The following PATJ variants were observed in gnomAD, a reference collection of about 807,000 sequenced individuals.
PATJ encodes the protein inaD-like protein.
PATJ carries 190 observed loss-of-function variants against 224.9 expected under a neutral mutation model. The ratio of observed to expected loss-of-function variants is 0.84; its 90% CI spans 0.75 to 0.95. The LOEUF is 0.95. Ranked by LOEUF, PATJ falls within the 40% of genes least tolerant of loss-of-function variation. The pLI is 0.00. For missense variants in PATJ, 2,121 were observed against 2,270.3 expected (o/e 0.93, Z 1.34); for synonymous variants, 769 against 820.3 (o/e 0.94, Z 1.07).
chr1:61,766,205 G>A, intron 3 of PATJ, 74 bp from the exon 4 acceptor site: 1 of 1,031,654 alleles, frequency 9.7e-7, no homozygotes, highest in Non-Finnish European at 1.4e-6. Flanking sequence ...CTATGTAATG[G>A]TCAAAATATA....
chr1:61,984,097 A>G (rs1644599992), intron 27 of PATJ, among the ~76,000 whole-genome samples: 1 of 151,512 alleles, frequency 6.6e-6, no homozygotes, highest in Non-Finnish European at 1.5e-5. Context: ...GGGATGATGC[A>G]CCTGGCCCCC....
At chr1:62,063,967 A>G (rs1214199735) in intron 31 of PATJ, among the ~76,000 whole-genome samples, 1 of 152,108 alleles carries the variant, frequency 6.6e-6, no homozygotes, top group Non-Finnish European at 1.5e-5. Flanking sequence ...TTGACTTTTT[A>G]TTCTCCTATT....
At chr1:62,045,911 A>G (rs944966828) in intron 30 of PATJ, among the ~76,000 whole-genome samples, 1 of 151,992 alleles carries the variant, frequency 6.6e-6, no homozygotes, top group African/African-American at 2.4e-5. Flanking sequence ...CAGAATCCAC[A>G]TTGTTGTGGC....
At chr1:61,837,746 C>T (rs1660403248) in intron 17 of PATJ, among the ~76,000 whole-genome samples, 1 of 146,722 alleles carries the variant, frequency 6.8e-6, no homozygotes, top group African/African-American at 2.5e-5. Context: ...GCTGAGATTG[C>T]GCCACTGCAC....
chr1:61,856,701 G>T (rs1420639491), intron 18 of PATJ, among the ~76,000 whole-genome samples: 1 of 152,086 alleles, frequency 6.6e-6, no homozygotes, highest in African/African-American at 2.4e-5. Flanking sequence ...CGATTCTCCT[G>T]CCTCAGCCTC....
intron 30 of PATJ, among the ~76,000 whole-genome samples, chr1:62,046,581 G>A (rs149532412): frequency 6.6e-6 from 1 of 152,332 alleles, no homozygotes; most frequent in Non-Finnish European, 1.5e-5. Flanking sequence ...CAGGCAGTGG[G>A]AATGAATGAG....
At chr1:61,854,639 G>T (rs1352911482) in intron 17 of PATJ, among the ~76,000 whole-genome samples, 1 of 152,178 alleles carries the variant, frequency 6.6e-6, no homozygotes, top group African/African-American at 2.4e-5. Flanking sequence ...GGTGATATTG[G>T]CTAGTTTCCT....
intron 33 of PATJ, among the ~76,000 whole-genome samples, chr1:62,087,651 C>T (rs1034944670): frequency 6.6e-6 from 1 of 151,596 alleles, no homozygotes; most frequent in Non-Finnish European, 1.5e-5. Flanking sequence ...CATTGGGCCC[C>T]GTCTAGAAAA....
At chr1:61,761,880 A>G (rs1645992977) in intron 1 of PATJ, among the ~76,000 whole-genome samples, 1 of 151,524 alleles carries the variant, frequency 6.6e-6, no homozygotes, top group Admixed American at 6.6e-5. Context: ...TAGAGATGGA[A>G]TCTCACTGTG....
chr1:61,766,417 T>G lies in PATJ; in HGVS notation c.328T>G (p.Trp110Gly). The change falls in exon 4 of 44, where the codon TGG (tryptophan) becomes GGG (glycine). Residue 110 changes from tryptophan to glycine, a missense_variant. By Grantham distance (184) the Trp-to-Gly change is radical (BLOSUM62 -2). Transcript: ENST00000642238. The part of the protein sequence containing the change: ...NNSTVSGLFP[W>G]TPKLGNEDFN... ...CTCGACTGTATCTGGGTTATTTCCG[T>G]GGACCCCGAAGTTGGGAAATGAAGA... 6.2e-7 allele frequency: 1 copy of G among 1,612,172 alleles called. No homozygotes were observed. Among genetic ancestry groups the G allele is most frequent in the Non-Finnish European group, 8.5e-7 (1 of 1,179,512 alleles).
intron 30 of PATJ, among the ~76,000 whole-genome samples, chr1:62,039,391 T>C (rs1421687107): frequency 1.3e-5 from 2 of 152,154 alleles, no homozygotes; most frequent in Non-Finnish European, 2.9e-5. Context: ...AAAAAACAAG[T>C]GTTCAATGAG....
At chr1:62,091,532 TTGTC>T (rs941223835) in intron 33 of PATJ, among the ~76,000 whole-genome samples, 3 of 152,202 alleles carry the variant, frequency 2.0e-5, no homozygotes, top group African/African-American at 4.8e-5. Flanking sequence ...ATCCTTAACT[TTGTC>T]TGTGTGTCTT....
At chr1:61,933,480 G>T (rs899364502) in intron 27 of PATJ, among the ~76,000 whole-genome samples, 6 of 150,606 alleles carry the variant, frequency 4.0e-5, no homozygotes, top group Non-Finnish European at 7.4e-5. Context: ...GGCAGAGGTT[G>T]CAGTGAGCCG....
intron 24 of PATJ, among the ~76,000 whole-genome samples, chr1:61,905,808 G>C (rs959138906): frequency 1.2e-4 from 19 of 152,092 alleles, no homozygotes; most frequent in African/African-American, 4.3e-4. Context: ...ATGTGTGGGG[G>C]TTTACCCCCA....
chr1:62,124,243 C>T (rs539834028), intron 39 of PATJ, among the ~76,000 whole-genome samples: 26 of 152,140 alleles, frequency 1.7e-4, no homozygotes, highest in Middle Eastern at 3.4e-3. Context: ...CCACCACGCC[C>T]GGCTAATTTT....
intron 15 of PATJ, among the ~76,000 whole-genome samples, chr1:61,825,704 A>C (rs921253589): frequency 6.6e-6 from 1 of 152,216 alleles, no homozygotes; most frequent in Non-Finnish European, 1.5e-5. Flanking sequence ...ACTACCAGGC[A>C]CTGGTATAAT....
In PATJ at chr1:61,798,597, G is replaced by A. The variant is rs556574291; in HGVS notation, c.1402+1169G>A. On this transcript the variant is annotated intron_variant, in intron 11 of 43. Coordinates refer to ENST00000642238, the MANE Select transcript of PATJ (RefSeq NM_001350145.3). Reference sequence around the variant, plus strand: ...CAATTTAGAATGAGTGAATTACTGGGTGCAGTAATTCTAGCCATGCTTGGT... The same window carrying A: ...CAATTTAGAATGAGTGAATTACTGGATGCAGTAATTCTAGCCATGCTTGGT... Among the ~76,000 whole-genome samples the A allele has an allele frequency of 1.3e-3, 195 of 152,210 alleles. No homozygotes were observed. In the Middle Eastern group the frequency reaches 0.024, roughly 19 times the overall value.
chr1:61,815,240 G>A (rs1655867229), intron 14 of PATJ, among the ~76,000 whole-genome samples: 1 of 152,146 alleles, frequency 6.6e-6, no homozygotes, highest in Admixed American at 6.5e-5. Context: ...GTGTGTTGGG[G>A]GAATAGAAGT....
In PATJ at chr1:61,805,528, T is replaced by C. The variant is rs1557676243; in HGVS notation, c.1626+4T>C. The stretch of plus-strand genomic sequence containing the variant: ...GGGTCCTGATTATGAAGTAATGGTA[T>C]GTTAAAATGCTCTAATAAAAAACAT... On this transcript the variant is annotated splice_donor_region_variant and intron_variant, in intron 13 of 43. Coordinates refer to ENST00000642238, the MANE Select transcript of PATJ (RefSeq NM_001350145.3). The C allele has an allele frequency of 6.5e-7, 1 of 1,529,976 alleles. No individual in the cohort carries two copies. 94.8% of individuals were successfully genotyped at this position (1,529,976 alleles called of 1,614,324 possible).
Sources: gnomAD v4.1 joint callset for allele counts (sites outside exome capture counted in the v4.1 genomes callset) on GRCh38, gnomAD v4.1.1 for gene constraint, MANE v1.5 for transcripts, NCBI Gene and HGNC (gene_info 2026-07-23, HGNC 2026-07-21) for gene names.